NPAS3: variants seen among roughly 807,000 people sequenced by gnomAD.
NPAS3 encodes the protein neuronal PAS domain protein 3.
In NPAS3, 14 loss-of-function variants were observed where a neutral mutation model predicts 73.1. The observed-to-expected ratio is 0.19, with a 90% CI of 0.13 to 0.30. The LOEUF is 0.30. Ranked by LOEUF, NPAS3 falls within the 10% of genes least tolerant of loss-of-function variation. The probability of loss-of-function intolerance (pLI) is 1.00; values close to 1 mark genes in which losing one functional copy is unlikely to be tolerated. For synonymous variants in NPAS3, 620 were observed against 541.5 expected (o/e 1.14, Z -2.01); for missense variants, 1,096 against 1,250.0 (o/e 0.88, Z 1.86).
At chr14:33,780,892 T>A (rs1191505560) in intron 9 of NPAS3, 1 of 260,620 alleles carries the variant, frequency 3.8e-6, no homozygotes, top group Non-Finnish European at 7.6e-6. Context: ...TTTCATTACT[T>A]GATATTGACA....
chr14:33,759,341 A>G (rs1305225464), intron 7 of NPAS3, among the ~76,000 whole-genome samples: 1 of 152,208 alleles, frequency 6.6e-6, no homozygotes, highest in African/African-American at 2.4e-5. Context: ...AATGTTCTCT[A>G]AATATTTACC....
intron 3 of NPAS3, among the ~76,000 whole-genome samples, chr14:33,337,467 A>C (rs1349995982): frequency 6.6e-6 from 1 of 152,136 alleles, no homozygotes; most frequent in Non-Finnish European, 1.5e-5. Flanking sequence ...ATATGCCAAT[A>C]CCACTTTGTC....
intron 3 of NPAS3, among the ~76,000 whole-genome samples, chr14:33,250,540 G>C (rs151117999): frequency 1.3e-5 from 2 of 151,996 alleles, no homozygotes; most frequent in Non-Finnish European, 2.9e-5. Context: ...ACTGATGCTC[G>C]CATTAAACTT....
chr14:32,947,360 A>G (rs946633528), intron 1 of NPAS3, among the ~76,000 whole-genome samples: 18 of 152,150 alleles, frequency 1.2e-4, no homozygotes, highest in African/African-American at 4.1e-4. Flanking sequence ...TTGTTTGCAG[A>G]ACTTCTCTCT....
intron 4 of NPAS3, among the ~76,000 whole-genome samples, chr14:33,487,484 G>C (rs1057232436): frequency 1.3e-5 from 2 of 152,170 alleles, no homozygotes; most frequent in Non-Finnish European, 2.9e-5. Flanking sequence ...TTGGAGATTA[G>C]AAATGAGATT....
At chr14:32,951,556 G>A (rs2036485085) in intron 1 of NPAS3, among the ~76,000 whole-genome samples, 1 of 151,998 alleles carries the variant, frequency 6.6e-6, no homozygotes, top group Non-Finnish European at 1.5e-5. Context: ...AAGACTCAAT[G>A]TAACACTAAA....
chr14:33,582,964 TA>T (rs1455336628), intron 5 of NPAS3, among the ~76,000 whole-genome samples: 2 of 138,730 alleles, frequency 1.4e-5, no homozygotes, highest in Admixed American at 7.7e-5. Context: ...CCTAGATATT[TA>T]AAGGGTTTTT....
chr14:33,041,669 T>A (rs1254789369), intron 1 of NPAS3, among the ~76,000 whole-genome samples: 2 of 152,132 alleles, frequency 1.3e-5, no homozygotes, highest in Non-Finnish European at 2.9e-5. Flanking sequence ...CTGAGACAAG[T>A]ATTGCCAGGG....
intron 7 of NPAS3, among the ~76,000 whole-genome samples, chr14:33,756,713 T>C (rs1427538091): frequency 1.3e-5 from 2 of 152,180 alleles, no homozygotes; most frequent in Admixed American, 1.3e-4. Context: ...ATGCAGTAGA[T>C]AGATGTAGCA....
intron 6 of NPAS3, among the ~76,000 whole-genome samples, chr14:33,689,751 T>G (rs2060184048): frequency 6.6e-6 from 1 of 152,186 alleles, no homozygotes; most frequent in African/African-American, 2.4e-5. Context: ...CAGATTCACG[T>G]TTTTTGTATG....
intron 2 of NPAS3, among the ~76,000 whole-genome samples, chr14:33,136,067 T>C (rs2043821558): frequency 7.2e-6 from 1 of 139,090 alleles, no homozygotes; most frequent in South Asian, 2.2e-4. Flanking sequence ...TCTTTTTTTT[T>C]TTTTTTTTTT....
rs576695462 is a variant in NPAS3 at position 33,732,456 on chromosome 14, G to A, written c.734-2758G>A. On this transcript the variant is annotated intron_variant, in intron 6 of 11. Transcript: ENST00000356141. ...TTGTCACAGCTGGGATAAACCAAGT[G>A]TATTTGCTAGCTCTTGAGAACCCAT... 3.3e-5 allele frequency among the ~76,000 whole-genome samples: 5 copies of A among 152,322 alleles called. No individual in the cohort carries two copies. The South Asian group carries it at 1.0e-3, about 32-fold the overall frequency.
chr14:33,057,817 T>C (rs1386592829), intron 2 of NPAS3, among the ~76,000 whole-genome samples: 2 of 152,228 alleles, frequency 1.3e-5, no homozygotes, highest in African/African-American at 4.8e-5. Flanking sequence ...AGATGTTGAA[T>C]TGGAGTACTG....
intron 2 of NPAS3, among the ~76,000 whole-genome samples, chr14:33,070,815 T>C (rs534004478): frequency 3.9e-5 from 6 of 152,324 alleles, no homozygotes; most frequent in Non-Finnish European, 8.8e-5. Context: ...TTTAAGATGG[T>C]AAGGCACAAA....
intron 2 of NPAS3, among the ~76,000 whole-genome samples, chr14:33,152,358 C>T (rs1245108770): frequency 6.6e-6 from 1 of 152,112 alleles, no homozygotes; most frequent in African/African-American, 2.4e-5. Context: ...CTGTTTCTAT[C>T]AGGAACCGTC....
At chr14:33,366,945 A>T (rs1394781781) in intron 3 of NPAS3, among the ~76,000 whole-genome samples, 1 of 145,780 alleles carries the variant, frequency 6.9e-6, no homozygotes, top group African/African-American at 2.5e-5. Context: ...CAAAAGGAAA[A>T]TTTTTAAAGT....
chr14:33,343,710 T>A (rs567685322), intron 3 of NPAS3, among the ~76,000 whole-genome samples: 3 of 152,284 alleles, frequency 2.0e-5, no homozygotes, highest in Admixed American at 2.0e-4. Context: ...ACCAGGTATA[T>A]CATTTAAAAT....
At chr14:33,172,274 A>G (rs1470240727) in intron 2 of NPAS3, among the ~76,000 whole-genome samples, 1 of 152,230 alleles carries the variant, frequency 6.6e-6, no homozygotes, top group African/African-American at 2.4e-5. Flanking sequence ...TAAAAAGCAC[A>G]GTATATGTGG....
chr14:33,393,068 G>T (rs1490754510), intron 4 of NPAS3, among the ~76,000 whole-genome samples: 1 of 151,806 alleles, frequency 6.6e-6, no homozygotes, highest in Non-Finnish European at 1.5e-5. Context: ...TCAAATACTT[G>T]TTCAAACTAA....
Sources: gnomAD v4.1 joint callset for allele counts (sites outside exome capture counted in the v4.1 genomes callset) on GRCh38, gnomAD v4.1.1 for gene constraint, MANE v1.5 for transcripts, NCBI Gene and HGNC (gene_info 2026-07-23, HGNC 2026-07-21) for gene names.